Variants in YME1L1 observed in about 807,000 individuals in gnomAD.
YME1L1 encodes the protein ATP-dependent zinc metalloprotease YME1L1.
In YME1L1, 39 loss-of-function variants were observed where a neutral mutation model predicts 90.4. That is an observed-to-expected ratio of 0.43 (90% confidence interval 0.33 to 0.56). YME1L1 has a LOEUF of 0.56. Among genes scored for constraint, YME1L1 ranks in the 20% least tolerant of loss-of-function variants. The probability of loss-of-function intolerance (pLI) is 0.03; values close to 1 mark genes in which losing one functional copy is unlikely to be tolerated. For missense variants in YME1L1, 617 were observed against 868.4 expected, an observed-to-expected ratio of 0.71 and a Z score of 3.64; for synonymous variants, 284 against 287.3, an observed-to-expected ratio of 0.99 and a Z score of 0.12.
chr10:27,154,288 A>G lies in YME1L1; in HGVS notation c.-78T>C, dbSNP rs2135923087. 1 of 1,511,640 alleles carries G rather than the reference A, an allele frequency of 6.6e-7. No individual in the cohort carries two copies. The highest frequency in any genetic ancestry group is 8.9e-7 in the Non-Finnish European group (1 of 1,121,620). 93.6% of individuals were successfully genotyped at this position (1,511,640 alleles called of 1,614,324 possible). A position where few individuals can be genotyped will look rare whatever the true frequency, so the allele number is the denominator to read the frequency against. On this transcript the variant is annotated 5_prime_UTR_variant, in exon 1 of 19. Transcript: ENST00000376016. ...TCCACGGCCCGGCGGGGAGGCGCTG[A>G]GCCCTTCTTTTTTCCTTTTTCTCCG...
At chr10:27,136,174 G>A in intron 5 of YME1L1, 102 bp downstream of exon 5, 1 of 934,460 alleles carries the variant, frequency 1.1e-6, no homozygotes, top group Non-Finnish European at 1.7e-6. Flanking sequence ...GTGGAAAGAA[G>A]GAAGAATATC....
In YME1L1 at chr10:27,111,764, C is replaced by T; in HGVS notation, c.*213G>A. On this transcript the variant is annotated 3_prime_UTR_variant, in exon 19 of 19. Transcript: ENST00000376016. ...CAATCCTGATAGTTCTTTATTTTTT[C>T]AAAATATATTTGCCATGGGATGCTA... 2 of 652,048 alleles carry T rather than the reference C, an allele frequency of 3.1e-6. No individual in the cohort carries two copies. The highest frequency in any genetic ancestry group is 2.4e-5 in the Admixed American group (1 of 41,468). The allele number at this position is 652,048 out of a possible 1,614,324, so 40.4% of individuals were successfully genotyped here.
chr10:27,122,198 G>T (rs1385130513), intron 11 of YME1L1, among the ~76,000 whole-genome samples: 1 of 152,132 alleles, frequency 6.6e-6, no homozygotes, highest in Non-Finnish European at 1.5e-5. Context: ...GCCAAGAAAA[G>T]AAACTGATAA....
At chr10:27,112,872 T>C (rs906286680) in intron 18 of YME1L1, among the ~76,000 whole-genome samples, 1 of 152,052 alleles carries the variant, frequency 6.6e-6, no homozygotes, top group African/African-American at 2.4e-5. Context: ...CTAATTTTTC[T>C]ATGTTTTGTA....
At chr10:27,127,375 C>T (rs943001222) in intron 8 of YME1L1, among the ~76,000 whole-genome samples, 1 of 152,006 alleles carries the variant, frequency 6.6e-6, no homozygotes, top group Non-Finnish European at 1.5e-5. Context: ...CAAAACAAAG[C>T]TTTGTCCATT....
At chr10:27,150,467 C>T (rs2057199201) in intron 1 of YME1L1, among the ~76,000 whole-genome samples, 1 of 152,122 alleles carries the variant, frequency 6.6e-6, no homozygotes, top group South Asian at 2.1e-4. Flanking sequence ...GTTAGGCATT[C>T]TAAGTTACAG....
At chr10:27,136,472 T>A in intron 4 of YME1L1, 87 bp from the exon 5 acceptor site, 1 of 1,050,040 alleles carries the variant, frequency 9.5e-7, no homozygotes, top group East Asian at 2.5e-5. Context: ...ACACCCTACC[T>A]GTATATCCTA....
chr10:27,115,367 G>T (rs537919786), intron 17 of YME1L1, among the ~76,000 whole-genome samples: 194 of 151,200 alleles, frequency 1.3e-3, no homozygotes, highest in Middle Eastern at 3.4e-3. Context: ...TGTCACCCAG[G>T]GTAGAGTGCA....
rs1291218619 is a variant in YME1L1, at chr10:27,141,917, C to G, written c.430+470G>C. Among the ~76,000 whole-genome samples the G allele has an allele frequency of 2.6e-5, 4 of 152,204 alleles. No individual in the cohort carries two copies. In the East Asian group the frequency reaches 7.7e-4, roughly 29 times the overall value. On this transcript the variant is annotated intron_variant, in intron 4 of 18. Coordinates refer to ENST00000376016, the MANE Select transcript of YME1L1 (RefSeq NM_014263.4). ...GATCACTATCACCTGACATCTATCA[C>G]TAGTGCCTTGTATTCAAAAATTATA...
chr10:27,149,101 CT>C lies in YME1L1; in HGVS notation c.34-62del, dbSNP rs549059660. 474 of 1,413,178 alleles carry C rather than the reference CT, an allele frequency of 3.4e-4. No individual in the cohort carries two copies. In the African/African-American group the frequency reaches 6.1e-3, roughly 18 times the overall value. 87.5% of individuals were successfully genotyped at this position (1,413,178 alleles called of 1,614,324 possible). ...TTTTTTAAATAAACAGAACAATCTC[CT>C]TTTTTTGTCAGGATTTGTTAAGAGT... is the stretch of plus-strand genomic sequence containing the variant. On this transcript the variant is annotated intron_variant, in intron 1 of 18. Transcript: ENST00000376016.
intron 7 of YME1L1, among the ~76,000 whole-genome samples, chr10:27,132,482 A>G (rs529751415): frequency 3.3e-4 from 51 of 152,262 alleles, no homozygotes; most frequent in Non-Finnish European, 5.1e-4. Context: ...CCTATGGAGT[A>G]GCCATTCTTT....
intron 11 of YME1L1, 104 bp downstream of exon 11, chr10:27,122,737 A>T (rs962883984): frequency 1.4e-6 from 2 of 1,472,472 alleles, no homozygotes; most frequent in Non-Finnish European, 1.8e-6. Context: ...TCATATCTCT[A>T]GATATGAAAT....
intron 8 of YME1L1, chr10:27,129,175 A>G (rs1044867970): frequency 6.6e-6 from 1 of 152,104 alleles, no homozygotes; most frequent in Non-Finnish European, 1.5e-5. Flanking sequence ...CAGACAGAGA[A>G]TAACAATGCT....
chr10:27,148,832 C>T, intron 2 of YME1L1, 74 bp downstream of exon 2: 1 of 1,578,130 alleles, frequency 6.3e-7, no homozygotes, highest in East Asian at 2.3e-5. Flanking sequence ...GGACAATATC[C>T]TTAATCCTTC....
chr10:27,113,145 G>A (rs1224481906), intron 18 of YME1L1, among the ~76,000 whole-genome samples: 1 of 138,496 alleles, frequency 7.2e-6, no homozygotes, highest in Admixed American at 7.8e-5. Context: ...ACTTGAGCTT[G>A]GGAGACAGAG....
In YME1L1 at chr10:27,121,437, T is replaced by C. The variant is rs1181049359; in HGVS notation, c.1247A>G (p.Asn416Ser). ...LLAEMDGFKP[N>S]EGVIIIGATN... ...GGCTCCTATTATGATAACTCCTTCATTGGGTTTAAAACTATATTGGAAAAA... is the reference window on the plus strand; with the variant it reads ...GGCTCCTATTATGATAACTCCTTCACTGGGTTTAAAACTATATTGGAAAAA... Residue 416 changes from asparagine (N) to serine (S), a missense_variant, in exon 12 of 19, where the codon AAT (asparagine) becomes AGT (serine). Around this residue, in one of 4 missense-constraint regions of YME1L1, gnomAD observed 93 missense variants for 184.8 expected, o/e 0.50. Transcript: ENST00000376016. 1.9e-6 allele frequency: 3 copies of C among 1,601,354 alleles called. No individual in the cohort carries two copies. Among genetic ancestry groups the C allele is most frequent in the Non-Finnish European group, 2.6e-6 (3 of 1,168,916 alleles).
Position 27,123,133 on chromosome 10 carries a change from CA to C in YME1L1, c.1103-161del, listed in dbSNP as rs374300526. 2.4e-3 allele frequency among the ~76,000 whole-genome samples: 359 copies of C among 152,214 alleles called. 4 individuals are homozygous for C. The highest frequency in any genetic ancestry group is 7.7e-3 in the African/African-American group (321 of 41,524). On this transcript the variant is annotated intron_variant, in intron 10 of 18. Coordinates refer to ENST00000376016, the MANE Select transcript of YME1L1 (RefSeq NM_014263.4). ...TTTACTGACTTAAAAATAGTATCTT[CA>C]GGGGGGAAAAAACTATACCAAAGAA...
chr10:27,130,090 C>G (rs757499764), intron 8 of YME1L1, among the ~76,000 whole-genome samples: 103 of 152,336 alleles, frequency 6.8e-4, no homozygotes, highest in Non-Finnish European at 9.0e-4. Flanking sequence ...TTAACCCCTG[C>G]TACTCCACTA....
In YME1L1 at chr10:27,116,092, G is replaced by A. The variant is rs1275176334; in HGVS notation, c.1888C>T (p.Arg630Trp). Reference sequence around the variant, plus strand: ...CTCATTCCAAATTTGGTAACCATCCGCTTTGCTATTTTAGTGGCATTATCA... The same window carrying A: ...CTCATTCCAAATTTGGTAACCATCCACTTTGCTATTTTAGTGGCATTATCA... ...DFDNATKIAK[R>W]MVTKFGMSEK... is the part of the protein sequence containing the mutation. Residue 630 changes from arginine to tryptophan, a missense_variant, in exon 17 of 19, where the codon CGG (arginine) becomes TGG (tryptophan). Physicochemically the swap from Arg to Trp is moderately radical, Grantham distance 101. Coordinates refer to ENST00000376016, the MANE Select transcript of YME1L1 (RefSeq NM_014263.4). 15 of 1,613,686 alleles carry A rather than the reference G, an allele frequency of 9.3e-6. No homozygotes were observed. Among genetic ancestry groups the A allele is most frequent in the East Asian group, 2.2e-5 (1 of 44,856 alleles).
Sources: allele counts gnomAD v4.1 joint callset (sites outside exome capture counted in the v4.1 genomes callset), GRCh38; gene constraint gnomAD v4.1.1; regional missense constraint gnomAD v4.1.1; transcripts MANE v1.5; gene names NCBI Gene and HGNC (gene_info 2026-07-23, HGNC 2026-07-21).